CFAP43: variants seen among roughly 807,000 people sequenced by gnomAD.
The protein encoded by CFAP43 is cilia and flagella associated protein 43.
A neutral mutation model predicts 218.9 loss-of-function variants in CFAP43; 155 were observed. That is an observed-to-expected ratio of 0.71 (90% CI 0.62 to 0.81). The LOEUF (loss-of-function observed/expected upper bound fraction) is 0.81, where lower values mean the gene tolerates loss of function less well. Among genes scored for constraint, CFAP43 ranks in the 30% least tolerant of loss-of-function variants. CFAP43 has a pLI of 0.00. For synonymous variants in CFAP43, 645 were observed against 681.3 expected (o/e 0.95, Z 0.83); for missense variants, 1,778 against 1,954.3 (o/e 0.91, Z 1.70).
At chr10:104,220,045 G>C (rs953326116) in intron 3 of CFAP43, among the ~76,000 whole-genome samples, 1 of 152,128 alleles carries the variant, frequency 6.6e-6, no homozygotes, top group Non-Finnish European at 1.5e-5. Flanking sequence ...GAAGTCATTA[G>C]GATGGGCCCT....
chr10:104,205,738 G>A (rs2090668247), intron 7 of CFAP43, among the ~76,000 whole-genome samples: 1 of 152,114 alleles, frequency 6.6e-6, no homozygotes, highest in African/African-American at 2.4e-5. Flanking sequence ...ATTTGTGTTT[G>A]TTTGCAGTAA....
At chr10:104,143,343 CT>C (rs1019336830) in intron 32 of CFAP43, 82 bp downstream of exon 32, 4 of 1,210,820 alleles carry the variant, frequency 3.3e-6, no homozygotes, top group Admixed American at 2.5e-5. Context: ...AAATAATTAG[CT>C]TTTTTGGTTA....
intron 25 of CFAP43, 35 bp downstream of exon 25, chr10:104,162,282 G>C: frequency 6.4e-7 from 1 of 1,563,664 alleles, no homozygotes. Context: ...AAAGCAAAGA[G>C]GGTCTTAGGA....
At chr10:104,135,675 G>C in intron 34 of CFAP43, among the ~76,000 whole-genome samples, 1 of 152,062 alleles carries the variant, frequency 6.6e-6, no homozygotes, top group East Asian at 1.9e-4. Flanking sequence ...TATCTAAAAA[G>C]TGTGTGTACA....
At position 104,168,783 on chromosome 10, in the gene CFAP43, T is replaced by C. The variant is rs775585942; in HGVS notation, c.2652A>G (p.Glu884=). 5 of 1,614,170 alleles carry C rather than the reference T, an allele frequency of 3.1e-6. No individual in the cohort carries two copies. The South Asian group carries it at 3.3e-5, about 11-fold the overall frequency. ...CTTTCACAGCCATCGAATTCCAACATTCTTCTTTGATAAGTTCAGCCAAAT... is the reference window on the plus strand; with the variant it reads ...CTTTCACAGCCATCGAATTCCAACACTCTTCTTTGATAAGTTCAGCCAAAT... ...KSYLAELIKE[E]CWNSMAVKGR... The change falls in exon 21 of 38, where the codon GAA becomes GAG. Residue 884 remains glutamate, a synonymous_variant. Transcript: ENST00000357060.
chr10:104,172,601 T>C (rs2089457541), intron 19 of CFAP43, 66 bp from the exon 20 acceptor site: 1 of 1,349,512 alleles, frequency 7.4e-7, no homozygotes, highest in South Asian at 1.5e-5. Flanking sequence ...ATAATTTTCT[T>C]AGTTTCTTTT....
At chr10:104,189,401 T>G (rs960720682) in intron 12 of CFAP43, among the ~76,000 whole-genome samples, 1 of 152,192 alleles carries the variant, frequency 6.6e-6, no homozygotes, top group African/African-American at 2.4e-5. Flanking sequence ...TTTTCTTACC[T>G]CTATTCCCTC....
In CFAP43 at chr10:104,203,666, AC is replaced by A. The variant is rs1238898595; in HGVS notation, c.1095+5del. Reference sequence around the variant, plus strand: ...TCACATATCAAGAAATTACCATCCAACATACCTTGTCTGTTTGAATCAGCAA... The same window carrying A: ...TCACATATCAAGAAATTACCATCCAAATACCTTGTCTGTTTGAATCAGCAA... On this transcript the variant is annotated splice_donor_5th_base_variant and intron_variant, in intron 8 of 37. Coordinates refer to ENST00000357060, the MANE Select transcript of CFAP43 (RefSeq NM_025145.7). 1.3e-6 allele frequency: 2 copies of A among 1,595,984 alleles called. No individual in the cohort carries two copies. Among genetic ancestry groups the A allele is most frequent in the Admixed American group, 1.8e-5 (1 of 56,186 alleles).
chr10:104,186,824 G>A (rs532348226), intron 14 of CFAP43, among the ~76,000 whole-genome samples: 1 of 152,264 alleles, frequency 6.6e-6, no homozygotes, highest in Admixed American at 6.5e-5. Flanking sequence ...AAAGTGACAG[G>A]TCAAGGGGCA....
rs779140211 is a variant in CFAP43 at position 104,133,603 on chromosome 10, G to A, written c.4596+17C>T. 1 of 1,606,848 alleles carries A rather than the reference G, an allele frequency of 6.2e-7. No individual in the cohort carries two copies. The highest frequency in any genetic ancestry group is 8.5e-7 in the Non-Finnish European group (1 of 1,177,234). ...TGAATAAAATTAAAACTATGTAGGGGGGTAGGGAGAATTTACCTTTTGACG... is the reference window on the plus strand; with the variant it reads ...TGAATAAAATTAAAACTATGTAGGGAGGTAGGGAGAATTTACCTTTTGACG... On this transcript the variant is annotated intron_variant, in intron 35 of 37. Coordinates refer to ENST00000357060, the MANE Select transcript of CFAP43 (RefSeq NM_025145.7).
At chr10:104,213,322 A>G (rs2090918182) in intron 4 of CFAP43, among the ~76,000 whole-genome samples, 2 of 152,198 alleles carry the variant, frequency 1.3e-5, no homozygotes, top group South Asian at 4.1e-4. Flanking sequence ...GAGATCCAAC[A>G]TCTCTTCAAC....
chr10:104,161,529 G>A (rs2088872682), intron 26 of CFAP43, among the ~76,000 whole-genome samples: 1 of 152,206 alleles, frequency 6.6e-6, no homozygotes, highest in African/African-American at 2.4e-5. Context: ...GCCTTCAATA[G>A]AGACCAAAAC....
chr10:104,224,564 G>T (rs2091262468), intron 3 of CFAP43, among the ~76,000 whole-genome samples: 1 of 151,388 alleles, frequency 6.6e-6, no homozygotes, highest in Admixed American at 6.6e-5. Context: ...AGACCAGCCT[G>T]GCCAAAATGG....
At chr10:104,207,534 A>G in intron 6 of CFAP43, 131 bp downstream of exon 6, 1 of 819,958 alleles carries the variant, frequency 1.2e-6, no homozygotes, top group Non-Finnish European at 1.9e-6. Flanking sequence ...GAATGCCAAC[A>G]GCACAGTAAC....
At chr10:104,168,663 T>C in intron 21 of CFAP43, 81 bp downstream of exon 21, 1 of 1,233,076 alleles carries the variant, frequency 8.1e-7, no homozygotes, top group South Asian at 1.2e-5. Context: ...GCCTGAATTT[T>C]CTTAAATTTA....
At chr10:104,179,812 T>G in intron 18 of CFAP43, 28 bp downstream of exon 18, 3 of 1,569,626 alleles carry the variant, frequency 1.9e-6, no homozygotes, top group South Asian at 2.2e-5. Context: ...GAGCACTATT[T>G]CAAACCTACC....
At chr10:104,181,436 T>C (rs747392671) in intron 17 of CFAP43, among the ~76,000 whole-genome samples, 3 of 152,200 alleles carry the variant, frequency 2.0e-5, no homozygotes, top group African/African-American at 4.8e-5. Flanking sequence ...ACAGGAAACA[T>C]TCTCCTCATA....
In CFAP43 at chr10:104,145,576, C is replaced by G; in HGVS notation, c.3856-12G>C. 1 of 1,580,942 alleles carries G rather than the reference C, an allele frequency of 6.3e-7. No homozygotes were observed. Among genetic ancestry groups the G allele is most frequent in the Non-Finnish European group, 8.7e-7 (1 of 1,155,278 alleles). On this transcript the variant is annotated splice_polypyrimidine_tract_variant and intron_variant, in intron 30 of 37. Coordinates refer to ENST00000357060, the MANE Select transcript of CFAP43 (RefSeq NM_025145.7). ...CTGCGATCCATAACCTAAGGACAAA[C>G]ATGACATTTGAGGACTGCAACTTGG...
At chr10:104,220,949 CGTGTGTGTGTGT>C (rs68093596) in intron 3 of CFAP43, among the ~76,000 whole-genome samples, 17 of 143,692 alleles carry the variant, frequency 1.2e-4, no homozygotes, top group African/African-American at 2.3e-4. Flanking sequence ...TATGAGTGAG[CGTGTGTGTGTGT>C]GTGTGTGTGT....
Sources: gnomAD v4.1 joint callset for allele counts (sites outside exome capture counted in the v4.1 genomes callset) on GRCh38, gnomAD v4.1.1 for gene constraint, MANE v1.5 for transcripts, NCBI Gene and HGNC (gene_info 2026-07-23, HGNC 2026-07-21) for gene names.